PLD5: variants seen among roughly 807,000 people sequenced by gnomAD.
PLD5 encodes the protein inactive phospholipase D5.
In PLD5, 36 loss-of-function variants were observed where a neutral mutation model predicts 61.1. The observed-to-expected ratio is 0.59, with a 90% CI of 0.45 to 0.78. The LOEUF is 0.78. Among genes scored for constraint, PLD5 ranks in the 30% least tolerant of loss-of-function variants. The pLI is 0.00. For synonymous variants in PLD5, 243 were observed against 242.8 expected, an observed-to-expected ratio of 1.00 and a Z score of -0.01; for missense variants, 515 against 644.4, an observed-to-expected ratio of 0.80 and a Z score of 2.17.
chr1:242,512,199 C>G (rs542544178), intron 1 of PLD5, among the ~76,000 whole-genome samples: 30 of 150,396 alleles, frequency 2.0e-4, no homozygotes, highest in Admixed American at 5.3e-4. Context: ...ATCACGAGGT[C>G]AGGAGATCGA....
chr1:242,388,810 A>G (rs1296694733), intron 1 of PLD5, among the ~76,000 whole-genome samples: 2 of 151,680 alleles, frequency 1.3e-5, no homozygotes, highest in African/African-American at 4.8e-5. Context: ...ACAAAAATTA[A>G]CTGGGCGTGG....
At chr1:242,294,479 T>C (rs1675537129) in intron 2 of PLD5, among the ~76,000 whole-genome samples, 1 of 152,170 alleles carries the variant, frequency 6.6e-6, no homozygotes, top group Admixed American at 6.5e-5. Context: ...CAGCTTTAAG[T>C]GCTGTGTGTG....
rs1256880675 is a variant in PLD5 at position 242,246,518 on chromosome 1, A to AC, written c.607+18818_607+18819insG. ...ACACACACACACACACACACACACA[A>AC]AAGCAAAATCAGCTATAATCTCATC... On this transcript the variant is annotated intron_variant, in intron 4 of 9. Coordinates refer to ENST00000536534, the MANE Select transcript of PLD5 (RefSeq NM_001372062.1). 4.7e-3 allele frequency among the ~76,000 whole-genome samples: 350 copies of AC among 73,710 alleles called. 1 individual carries two copies. The highest frequency in any genetic ancestry group is 0.015 in the African/African-American group (328 of 21,850). 48.4% of individuals were successfully genotyped at this position (73,710 alleles called of 152,430 possible).
chr1:242,192,926 C>T (rs1044572086), intron 5 of PLD5, among the ~76,000 whole-genome samples: 2 of 151,888 alleles, frequency 1.3e-5, no homozygotes, highest in Admixed American at 6.6e-5. Flanking sequence ...CTGCAAGCCA[C>T]GTATTCTTCT....
chr1:242,308,973 G>GGGGGAGAAAGTGGAGC (rs1362179507), intron 2 of PLD5, among the ~76,000 whole-genome samples: 2 of 152,148 alleles, frequency 1.3e-5, no homozygotes, highest in Non-Finnish European at 2.9e-5. Flanking sequence ...GGGGACGTAA[G>GGGGGAGAAAGTGGAGC]GGGGAGAAAG....
the PLD5 span, among the ~76,000 whole-genome samples, chr1:242,529,778 TCTTCCTTCCTTCCTTCCTTC>T: frequency 0.017 from 2,259 of 129,862 alleles, 26 homozygotes; most frequent in South Asian, 0.079. Context: ...GGCACTGGGA[TCTTCCTTCCTTCCTTCCTTC>T]CTTCCTTCCT....
At chr1:242,265,559 G>A (rs1673623769) in intron 3 of PLD5, 111 bp from the exon 4 acceptor site, 4 of 970,302 alleles carry the variant, frequency 4.1e-6, no homozygotes, top group East Asian at 5.4e-5. Context: ...ATGTTAAAAA[G>A]TCAAGCATTT....
At chr1:242,206,938 G>C (rs1001969374) in intron 5 of PLD5, among the ~76,000 whole-genome samples, 1 of 152,196 alleles carries the variant, frequency 6.6e-6, no homozygotes, top group Non-Finnish European at 1.5e-5. Context: ...TGTGGGGGCT[G>C]TAAGTTCAAA....
In PLD5 at chr1:242,108,125, C is replaced by T. The variant is rs147200503; in HGVS notation, c.1071-286G>A. 3.9e-5 allele frequency among the ~76,000 whole-genome samples: 6 copies of T among 152,114 alleles called. No homozygotes were observed. In the East Asian group the frequency reaches 1.2e-3, roughly 30 times the overall value. On this transcript the variant is annotated intron_variant, in intron 7 of 9. Coordinates refer to ENST00000536534, the MANE Select transcript of PLD5 (RefSeq NM_001372062.1). ...CAGGCTGACTGCCTCCACAGGCCAC[C>T]CTTACTACATCTCTGACGCTACCTG...
chr1:242,314,778 T>C (rs1334154011), intron 2 of PLD5, among the ~76,000 whole-genome samples: 4 of 152,040 alleles, frequency 2.6e-5, no homozygotes, highest in Non-Finnish European at 5.9e-5. Context: ...CACAGATGGC[T>C]CCTGATTTTA....
At chr1:242,309,902 C>A (rs1676598771) in intron 2 of PLD5, among the ~76,000 whole-genome samples, 1 of 147,632 alleles carries the variant, frequency 6.8e-6, no homozygotes, top group Admixed American at 6.9e-5. Flanking sequence ...AATATTTTAC[C>A]TGGAGAAAGT....
intron 2 of PLD5, among the ~76,000 whole-genome samples, chr1:242,297,621 CTTTTTTT>C (rs56851216): frequency 1.9e-5 from 2 of 107,214 alleles, no homozygotes; most frequent in African/African-American, 3.3e-5. Flanking sequence ...ATTCATGTTT[CTTTTTTT>C]TTTTTTTTTT....
intron 3 of PLD5, among the ~76,000 whole-genome samples, chr1:242,272,291 C>T (rs774267985): frequency 6.6e-6 from 1 of 152,122 alleles, no homozygotes; most frequent in Non-Finnish European, 1.5e-5. Context: ...GCAATTAATA[C>T]ACTATCACAA....
At chr1:242,440,623 C>T (rs116390875) in intron 1 of PLD5, among the ~76,000 whole-genome samples, 187 of 152,302 alleles carry the variant, frequency 1.2e-3, no homozygotes, top group African/African-American at 3.8e-3. Context: ...TGCAAAGGGC[C>T]CAGCCCCAGA....
At chr1:242,146,847 C>T (rs1421278990) in intron 5 of PLD5, among the ~76,000 whole-genome samples, 1 of 152,160 alleles carries the variant, frequency 6.6e-6, no homozygotes, top group Non-Finnish European at 1.5e-5. Flanking sequence ...GAATCACGGA[C>T]TCACAGGAAG....
chr1:242,228,515 G>T (rs1297028647), intron 4 of PLD5, among the ~76,000 whole-genome samples: 1 of 152,158 alleles, frequency 6.6e-6, no homozygotes, highest in Non-Finnish European at 1.5e-5. Context: ...CTTCTTTTGG[G>T]AATTCAAAAT....
chr1:242,414,278 GA>G (rs139770894), intron 1 of PLD5, among the ~76,000 whole-genome samples: 5,074 of 152,148 alleles, frequency 0.033, 290 homozygotes, highest in African/African-American at 0.11. Context: ...TGCAGAGATA[GA>G]AAAAATATTT....
At chr1:242,376,808 T>G in intron 1 of PLD5, 9 of 1,083,044 alleles carry the variant, frequency 8.3e-6, no homozygotes, top group Non-Finnish European at 1.2e-5. Flanking sequence ...GAGAATATAT[T>G]GCAACAGCCT....
intron 1 of PLD5, among the ~76,000 whole-genome samples, chr1:242,420,044 T>TC (rs899486028): frequency 4.6e-5 from 7 of 152,140 alleles, no homozygotes; most frequent in Non-Finnish European, 1.0e-4. Context: ...ACTTGTTACC[T>TC]CCAGGGCTCC....
Sources: gnomAD v4.1 joint callset for allele counts (sites outside exome capture counted in the v4.1 genomes callset) on GRCh38, gnomAD v4.1.1 for gene constraint, MANE v1.5 for transcripts, NCBI Gene and HGNC (gene_info 2026-07-23, HGNC 2026-07-21) for gene names.